SLC4A10: variants seen among roughly 807,000 people sequenced by gnomAD.
The protein encoded by SLC4A10 is solute carrier family 4 member 10.
A neutral mutation model predicts 137.7 loss-of-function variants in SLC4A10; 42 were observed. That is an observed-to-expected ratio of 0.30 (90% confidence interval 0.24 to 0.39). SLC4A10 has a LOEUF of 0.39. Among genes scored for constraint, SLC4A10 ranks in the 10% least tolerant of loss-of-function variants. SLC4A10 has a pLI of 1.00. For missense variants in SLC4A10, 925 were observed against 1,355.0 expected (o/e 0.68, Z 4.98); for synonymous variants, 474 against 464.1 (o/e 1.02, Z -0.27).
intron 3 of SLC4A10, among the ~76,000 whole-genome samples, chr2:161,816,348 G>C (rs981797438): frequency 6.6e-6 from 1 of 152,138 alleles, no homozygotes; most frequent in Non-Finnish European, 1.5e-5. Flanking sequence ...AGGTCTCTCT[G>C]CTATGAAGCT....
intron 3 of SLC4A10, among the ~76,000 whole-genome samples, chr2:161,817,987 T>C (rs947412608): frequency 6.6e-6 from 1 of 152,030 alleles, no homozygotes; most frequent in Admixed American, 6.6e-5. Context: ...CCATATGAAC[T>C]TTAAAGCAGT....
intron 6 of SLC4A10, among the ~76,000 whole-genome samples, chr2:161,867,411 C>A (rs1233626799): frequency 6.6e-6 from 1 of 151,738 alleles, no homozygotes; most frequent in East Asian, 1.9e-4. Context: ...AATAATAATT[C>A]TTGAGATTGC....
At chr2:161,942,129 A>G (rs1400943952) in intron 15 of SLC4A10, among the ~76,000 whole-genome samples, 1 of 152,180 alleles carries the variant, frequency 6.6e-6, no homozygotes, top group East Asian at 1.9e-4. Flanking sequence ...TCTATAGTTC[A>G]ATTAATATCA....
intron 2 of SLC4A10, among the ~76,000 whole-genome samples, chr2:161,801,349 TTC>T (rs903956739): frequency 2.6e-4 from 40 of 152,146 alleles, no homozygotes; most frequent in African/African-American, 9.4e-4. Flanking sequence ...TTTGCCCAAC[TTC>T]TCTCTTAATA....
intron 10 of SLC4A10, among the ~76,000 whole-genome samples, chr2:161,891,849 G>C (rs2062959221): frequency 6.6e-6 from 1 of 152,022 alleles, no homozygotes. Flanking sequence ...CTGGCAAGGA[G>C]TTGTGATCCT....
intron 1 of SLC4A10, among the ~76,000 whole-genome samples, chr2:161,759,326 G>T (rs537200690): frequency 2.0e-5 from 3 of 152,044 alleles, no homozygotes; most frequent in East Asian, 3.9e-4. Flanking sequence ...TGTGTGTGTT[G>T]TGTGTGGTGC....
At chr2:161,859,708 C>T (rs891976211) in intron 5 of SLC4A10, among the ~76,000 whole-genome samples, 1 of 149,364 alleles carries the variant, frequency 6.7e-6, no homozygotes. Flanking sequence ...TCACGCCATT[C>T]CCCTGCCTCA....
intron 17 of SLC4A10, 68 bp from the exon 18 acceptor site, chr2:161,949,080 A>T: frequency 1.0e-6 from 1 of 987,392 alleles, no homozygotes. Flanking sequence ...GTGACTCTAG[A>T]TTATGTTCCT....
chr2:161,924,045 C>G (rs993086802), intron 15 of SLC4A10, among the ~76,000 whole-genome samples: 3 of 152,056 alleles, frequency 2.0e-5, no homozygotes, highest in Non-Finnish European at 2.9e-5. Context: ...CATTAATACT[C>G]CATCTTATTG....
intron 1 of SLC4A10, among the ~76,000 whole-genome samples, chr2:161,699,522 G>A (rs909183283): frequency 3.9e-5 from 6 of 152,192 alleles, no homozygotes; most frequent in African/African-American, 1.4e-4. Flanking sequence ...CATATATTAA[G>A]TTCAAATGTT....
chr2:161,720,870 A>G (rs2389551), intron 1 of SLC4A10, among the ~76,000 whole-genome samples: 144,226 of 151,292 alleles, frequency 0.95, 68,770 homozygotes, highest in East Asian at 1. Context: ...TTGCTCTGTC[A>G]CCCAGGCTGG....
At chr2:161,947,287 G>T (rs753548669) in intron 16 of SLC4A10, among the ~76,000 whole-genome samples, 10 of 152,040 alleles carry the variant, frequency 6.6e-5, no homozygotes, top group Non-Finnish European at 5.9e-5. Flanking sequence ...GTAGATATTA[G>T]ATTTAATACA....
chr2:161,805,840 C>T (rs1313846630), intron 3 of SLC4A10, among the ~76,000 whole-genome samples: 2 of 152,188 alleles, frequency 1.3e-5, no homozygotes, highest in Non-Finnish European at 2.9e-5. Flanking sequence ...ATTCTGCAGT[C>T]AGGAGGACAG....
At chr2:161,771,952 A>G (rs72877356) in intron 2 of SLC4A10, among the ~76,000 whole-genome samples, 26,740 of 151,746 alleles carry the variant, frequency 0.18, 2,432 homozygotes, top group African/African-American at 0.23. Context: ...TTCATTTTAA[A>G]CTTTGTAATG....
At chr2:161,793,577 G>A (rs1224688520) in intron 2 of SLC4A10, among the ~76,000 whole-genome samples, 3 of 151,908 alleles carry the variant, frequency 2.0e-5, no homozygotes, top group Non-Finnish European at 2.9e-5. Context: ...CTGAAAGCAT[G>A]GTGAAAAAAT....
intron 2 of SLC4A10, among the ~76,000 whole-genome samples, chr2:161,789,874 G>A (rs1026965073): frequency 1.3e-5 from 2 of 152,024 alleles, no homozygotes; most frequent in Non-Finnish European, 2.9e-5. Flanking sequence ...TGTGTCTGGG[G>A]GCATAAAATG....
intron 1 of SLC4A10, among the ~76,000 whole-genome samples, chr2:161,690,193 A>G (rs576987998): frequency 6.6e-6 from 1 of 152,324 alleles, no homozygotes; most frequent in South Asian, 2.1e-4. Context: ...CATATAAATA[A>G]AAGCTCAACA....
intron 4 of SLC4A10, among the ~76,000 whole-genome samples, chr2:161,840,184 C>T (rs929104976): frequency 1.3e-5 from 2 of 152,106 alleles, no homozygotes; most frequent in Non-Finnish European, 2.9e-5. Context: ...TGTGTGTCAT[C>T]AACAAAACAA....
chr2:161,766,152 T>A lies in SLC4A10; in HGVS notation c.49-4821T>A, dbSNP rs530312203. ...AGACACTTACATTGAATTACTTTCA[T>A]ATTCTAGCTTCTCATATTTTTCTTT... On this transcript the variant is annotated intron_variant, in intron 1 of 26. Coordinates refer to ENST00000446997, the MANE Select transcript of SLC4A10 (RefSeq NM_001178015.2). Among the ~76,000 whole-genome samples the A allele has an allele frequency of 1.8e-4, 27 of 152,250 alleles. 1 individual carries two copies. The highest frequency in any genetic ancestry group is 6.5e-4 in the African/African-American group (27 of 41,588).
Sources: gnomAD v4.1 joint callset for allele counts (sites outside exome capture counted in the v4.1 genomes callset) on GRCh38, gnomAD v4.1.1 for gene constraint, MANE v1.5 for transcripts, NCBI Gene and HGNC (gene_info 2026-07-23, HGNC 2026-07-21) for gene names.